The following SH3RF3 variants were observed in gnomAD, a reference collection of about 807,000 sequenced individuals.
The protein encoded by SH3RF3 is SH3 domain containing ring finger 3.
A neutral mutation model predicts 66.3 loss-of-function variants in SH3RF3; 29 were observed. The ratio of observed to expected loss-of-function variants is 0.44; its 90% CI spans 0.33 to 0.60. The LOEUF (loss-of-function observed/expected upper bound fraction) is 0.60, where lower values mean the gene tolerates loss of function less well. Ranked by LOEUF, SH3RF3 falls within the 20% of genes least tolerant of loss-of-function variation. SH3RF3 has a pLI of 0.04. For missense variants in SH3RF3, 1,194 were observed against 1,190.9 expected (o/e 1.00, Z -0.04); for synonymous variants, 583 against 532.0 (o/e 1.10, Z -1.32).
intron 8 of SH3RF3, among the ~76,000 whole-genome samples, chr2:109,482,526 C>T (rs1678860972): frequency 6.6e-6 from 1 of 152,234 alleles, no homozygotes; most frequent in African/African-American, 2.4e-5. Flanking sequence ...AGCTCCCTGA[C>T]ACCGTGGTGA....
intron 1 of SH3RF3, among the ~76,000 whole-genome samples, chr2:109,150,448 T>TA (rs1022938426): frequency 1.2e-4 from 19 of 152,200 alleles, no homozygotes; most frequent in Middle Eastern, 3.2e-3. Flanking sequence ...TTATTTCACT[T>TA]AAAAAACAAT....
chr2:109,375,219 C>T (rs1322698905), intron 3 of SH3RF3, among the ~76,000 whole-genome samples: 5 of 152,266 alleles, frequency 3.3e-5, no homozygotes, highest in African/African-American at 1.2e-4. Context: ...CACTCCCTGC[C>T]CAGCTCTTCT....
At chr2:109,436,843 C>G (rs749671294) in intron 6 of SH3RF3, 50 bp from the exon 7 acceptor site, 12 of 1,584,242 alleles carry the variant, frequency 7.6e-6, no homozygotes, top group Non-Finnish European at 1.0e-5. Flanking sequence ...CCACATGGCA[C>G]GAATGCCTCT....
At chr2:109,299,684 G>T (rs2105391172) in intron 1 of SH3RF3, among the ~76,000 whole-genome samples, 1 of 152,272 alleles carries the variant, frequency 6.6e-6, no homozygotes, top group African/African-American at 2.4e-5. Flanking sequence ...AGCCAGTTCT[G>T]CCCGGAATGT....
chr2:109,432,279 C>T (rs1164732521), intron 5 of SH3RF3, among the ~76,000 whole-genome samples: 2 of 152,180 alleles, frequency 1.3e-5, no homozygotes, highest in Non-Finnish European at 2.9e-5. Flanking sequence ...CACACCCCTC[C>T]CCTGCAGGCA....
intron 1 of SH3RF3, among the ~76,000 whole-genome samples, chr2:109,205,234 TAAAA>T (rs916482705): frequency 1.4e-5 from 2 of 146,970 alleles, no homozygotes; most frequent in Admixed American, 1.4e-4. Flanking sequence ...TAAAATAAGA[TAAAA>T]AAAATTAGAG....
intron 1 of SH3RF3, among the ~76,000 whole-genome samples, chr2:109,263,257 A>G (rs1045747731): frequency 2.6e-5 from 4 of 152,214 alleles, no homozygotes; most frequent in Non-Finnish European, 5.9e-5. Flanking sequence ...ATGTTGGTTT[A>G]AATTATTATC....
At chr2:109,458,110 C>T (rs1026289278) in intron 8 of SH3RF3, among the ~76,000 whole-genome samples, 1 of 152,174 alleles carries the variant, frequency 6.6e-6, no homozygotes, top group African/African-American at 2.4e-5. Flanking sequence ...GGCTTCATAC[C>T]ATCATCTCCC....
At chr2:109,283,392 G>C (rs1181080057) in intron 1 of SH3RF3, among the ~76,000 whole-genome samples, 2 of 152,200 alleles carry the variant, frequency 1.3e-5, no homozygotes, top group Non-Finnish European at 2.9e-5. Flanking sequence ...TTGAAATTGA[G>C]TGTTTTGGTG....
At chr2:109,398,449 C>G (rs1296795191) in intron 3 of SH3RF3, 141 bp from the exon 4 acceptor site, 1 of 788,850 alleles carries the variant, frequency 1.3e-6, no homozygotes, top group African/African-American at 1.7e-5. Flanking sequence ...CCACCAGCCT[C>G]TTCTGTGTTT....
rs528248114 is a variant in SH3RF3, at chr2:109,251,672, A to T, written c.574-96002A>T. ...TAAATAATGGCTGTTCAGCAGAGAA[A>T]CCCATGTCCTCTCTTCATAGGTTCT... is the stretch of plus-strand genomic sequence containing the variant. On this transcript the variant is annotated intron_variant, in intron 1 of 9. Coordinates refer to ENST00000309415, the MANE Select transcript of SH3RF3 (RefSeq NM_001099289.3). 18 of 1,308,364 alleles carry T rather than the reference A, an allele frequency of 1.4e-5. No individual in the cohort carries two copies. The African/African-American group carries it at 2.3e-4, about 17-fold the overall frequency. The allele number at this position is 1,308,364 out of a possible 1,614,324, so 81.0% of individuals were successfully genotyped here.
chr2:109,404,234 C>G (rs1000931279), intron 4 of SH3RF3, among the ~76,000 whole-genome samples: 1 of 152,188 alleles, frequency 6.6e-6, no homozygotes, highest in Non-Finnish European at 1.5e-5. Flanking sequence ...GAAATATCCA[C>G]TGTCAAGCTC....
At chr2:109,499,617 A>C (rs1231428730) in intron 9 of SH3RF3, among the ~76,000 whole-genome samples, 1 of 152,140 alleles carries the variant, frequency 6.6e-6, no homozygotes, top group Non-Finnish European at 1.5e-5. Flanking sequence ...TCTAAGCATA[A>C]GGGCCGAGGG....
intron 1 of SH3RF3, among the ~76,000 whole-genome samples, chr2:109,147,765 C>T (rs930427239): frequency 1.1e-4 from 17 of 152,292 alleles, no homozygotes; most frequent in African/African-American, 3.6e-4. Flanking sequence ...AGTTAACAAG[C>T]AGTTGTTTTA....
At chr2:109,244,316 A>G (rs1464059183) in intron 1 of SH3RF3, among the ~76,000 whole-genome samples, 1 of 152,216 alleles carries the variant, frequency 6.6e-6, no homozygotes, top group Non-Finnish European at 1.5e-5. Flanking sequence ...CACATTTTGC[A>G]TCTAGGAGCA....
At chr2:109,369,141 G>A (rs112172195) in intron 2 of SH3RF3, among the ~76,000 whole-genome samples, 19,633 of 151,340 alleles carry the variant, frequency 0.13, 1,420 homozygotes, top group Middle Eastern at 0.23. Context: ...TCAGGGGATC[G>A]AGACCATCCT....
chr2:109,258,396 G>A (rs1170291329), intron 1 of SH3RF3, among the ~76,000 whole-genome samples: 1 of 152,192 alleles, frequency 6.6e-6, no homozygotes, highest in Non-Finnish European at 1.5e-5. Flanking sequence ...TTTTCTGCAG[G>A]GGTCTCTACA....
chr2:109,189,070 A>G (rs1411864637), intron 1 of SH3RF3, among the ~76,000 whole-genome samples: 1 of 151,416 alleles, frequency 6.6e-6, no homozygotes, highest in Non-Finnish European at 1.5e-5. Flanking sequence ...GTGGAAACCC[A>G]CTCACTCCCC....
intron 8 of SH3RF3, among the ~76,000 whole-genome samples, chr2:109,451,776 A>G (rs1334856790): frequency 6.6e-6 from 1 of 152,268 alleles, no homozygotes; most frequent in African/African-American, 2.4e-5. Flanking sequence ...ACGCCCTGCC[A>G]TGCAAGCTGC....
Sources: allele counts gnomAD v4.1 joint callset (sites outside exome capture counted in the v4.1 genomes callset), GRCh38; gene constraint gnomAD v4.1.1; transcripts MANE v1.5; gene names NCBI Gene and HGNC (gene_info 2026-07-23, HGNC 2026-07-21).